ASCC1: variants seen among roughly 807,000 people sequenced by gnomAD.
ASCC1 encodes the protein activating signal cointegrator 1 complex subunit 1, also known as ASC-1 complex subunit P50.
In ASCC1, 35 loss-of-function variants were observed where a neutral mutation model predicts 46.6. That is an observed-to-expected ratio of 0.75 (90% CI 0.57 to 0.99). The LOEUF (loss-of-function observed/expected upper bound fraction) is 0.99, where lower values mean the gene tolerates loss of function less well. Among genes scored for constraint, ASCC1 ranks in the 50% least tolerant of loss-of-function variants. The probability of loss-of-function intolerance (pLI) is 0.00; values close to 1 mark genes in which losing one functional copy is unlikely to be tolerated. For missense variants in ASCC1, 376 were observed against 428.7 expected (o/e 0.88, Z 1.09); for synonymous variants, 143 against 146.6 (o/e 0.98, Z 0.18).
At position 72,151,205 on chromosome 10, in the gene ASCC1, A is replaced by G. The variant is rs552245625; in HGVS notation, c.746+1664T>C. On this transcript the variant is annotated intron_variant, in intron 7 of 9. Coordinates refer to ENST00000672957, the MANE Select transcript of ASCC1 (RefSeq NM_001198800.3). ...AGACTTGGAACCAACCCGAATGTCC[A>G]TCAATGATAGACTGGATTAAGAAAA... Among the ~76,000 whole-genome samples the G allele has an allele frequency of 5.7e-4, 87 of 152,234 alleles. 1 individual carries two copies. Among genetic ancestry groups the G allele is most frequent in the Non-Finnish European group, 1.1e-3 (72 of 68,034 alleles).
chr10:72,198,446 T>C (rs1564745534), intron 4 of ASCC1: 3 of 415,754 alleles, frequency 7.2e-6, no homozygotes, highest in South Asian at 1.7e-5. Context: ...GGCATGCTCA[T>C]GCCTGTAATC....
At chr10:72,198,768 T>C in intron 4 of ASCC1, 1 of 438,708 alleles carries the variant, frequency 2.3e-6, no homozygotes, top group Non-Finnish European at 4.5e-6. Flanking sequence ...CTCTAACCAA[T>C]ACATTTGGTT....
rs547885663 is a variant in ASCC1, at chr10:72,173,728, G to C, written c.490-12054C>G. Among the ~76,000 whole-genome samples the C allele has an allele frequency of 2.4e-3, 360 of 150,552 alleles. 3 individuals carry two copies. The highest frequency in any genetic ancestry group is 8.5e-3 in the African/African-American group (337 of 39,840). ...CAAGGCAACGGCATAAATCTCTAGA[G>C]CCACTGTTTTTCTTTGCTCGGAATA... is the stretch of plus-strand genomic sequence containing the variant. On this transcript the variant is annotated intron_variant, in intron 5 of 9. Transcript: ENST00000672957.
intron 5 of ASCC1, among the ~76,000 whole-genome samples, chr10:72,174,285 A>T (rs933127897): frequency 2.6e-4 from 40 of 152,160 alleles, no homozygotes; most frequent in Non-Finnish European, 4.1e-4. Flanking sequence ...TTAATCCAGC[A>T]CCCTGGGCTC....
intron 5 of ASCC1, among the ~76,000 whole-genome samples, chr10:72,164,066 A>C (rs142247958): frequency 0.032 from 4,892 of 152,034 alleles, 214 homozygotes; most frequent in African/African-American, 0.095. Context: ...GGGTTCAAGC[A>C]ATTCTCCTGC....
intron 4 of ASCC1, among the ~76,000 whole-genome samples, chr10:72,199,685 C>T (rs182997668): frequency 1.4e-4 from 22 of 152,250 alleles, no homozygotes; most frequent in East Asian, 3.9e-4. Context: ...CCGCCCACCC[C>T]GGCATGAGCT....
chr10:72,119,901 G>A (rs2132122645), intron 9 of ASCC1, among the ~76,000 whole-genome samples: 1 of 152,298 alleles, frequency 6.6e-6, no homozygotes, highest in Middle Eastern at 3.4e-3. Context: ...CAGAGAGATG[G>A]AAATTCTAAG....
At chr10:72,192,602 T>C (rs1854708691) in intron 5 of ASCC1, among the ~76,000 whole-genome samples, 1 of 152,192 alleles carries the variant, frequency 6.6e-6, no homozygotes, top group Admixed American at 6.5e-5. Context: ...CCAGTGATTC[T>C]CGTGCCTCAG....
chr10:72,168,587 G>A (rs1057347677), intron 5 of ASCC1, among the ~76,000 whole-genome samples: 4 of 152,198 alleles, frequency 2.6e-5, no homozygotes. Context: ...ACTGAATTGT[G>A]TGCCCCCCAA....
chr10:72,164,118 A>T (rs548629924), intron 5 of ASCC1, among the ~76,000 whole-genome samples: 1 of 151,938 alleles, frequency 6.6e-6, no homozygotes, highest in South Asian at 2.1e-4. Context: ...GCCTGCCACC[A>T]CTCCTGGCTA....
intron 9 of ASCC1, among the ~76,000 whole-genome samples, chr10:72,114,011 C>T (rs1843209792): frequency 6.6e-6 from 1 of 152,156 alleles, no homozygotes; most frequent in Non-Finnish European, 1.5e-5. Flanking sequence ...CTTTATTTTT[C>T]ATTCAATATT....
chr10:72,215,330 C>T (rs866259713), intron 1 of ASCC1, among the ~76,000 whole-genome samples: 1 of 152,154 alleles, frequency 6.6e-6, no homozygotes, highest in Non-Finnish European at 1.5e-5. Context: ...GCCTGAGAGG[C>T]GGAGGTTGCA....
rs1848430185 is a variant in ASCC1 at position 72,152,174 on chromosome 10, T to TTTTTTTTTTTTGTTTTTTGTG, written c.746+674_746+694dup. Among the ~76,000 whole-genome samples the TTTTTTTTTTTTGTTTTTTGTG allele has an allele frequency of 2.6e-5, 3 of 116,890 alleles. No individual in the cohort carries two copies. The South Asian group carries it at 6.9e-4, about 27-fold the overall frequency. The allele number at this position is 116,890 out of a possible 152,430, so 76.7% of individuals were successfully genotyped here. On this transcript the variant is annotated intron_variant, in intron 7 of 9. Transcript: ENST00000672957. ...TGCCTGGCTAATTTTGTTTTTGGGT[T>TTTTTTTTTTTTGTTTTTTGTG]TTTTTTTTTTTGTTTTTTGTGTTTT...
intron 5 of ASCC1, among the ~76,000 whole-genome samples, chr10:72,165,898 G>A (rs1295053025): frequency 6.6e-6 from 1 of 152,184 alleles, no homozygotes; most frequent in Non-Finnish European, 1.5e-5. Flanking sequence ...CTGCTCCCCA[G>A]CAATAACGGT....
rs532677975 is a variant in ASCC1, at chr10:72,163,597, T to C, written c.490-1923A>G. Among the ~76,000 whole-genome samples the C allele has an allele frequency of 2.0e-5, 3 of 151,864 alleles. No homozygotes were observed. The East Asian group carries it at 5.8e-4, about 30-fold the overall frequency. ...TAAAAATACAAAAATTAGCCGGGTG[T>C]GGTGGTGTGTGCCTGTAATCCCAGC... is the stretch of plus-strand genomic sequence containing the variant. On this transcript the variant is annotated intron_variant, in intron 5 of 9. Coordinates refer to ENST00000672957, the MANE Select transcript of ASCC1 (RefSeq NM_001198800.3).
chr10:72,154,648 T>C (rs1848736798), intron 6 of ASCC1, among the ~76,000 whole-genome samples: 2 of 152,080 alleles, frequency 1.3e-5, no homozygotes, highest in Non-Finnish European at 2.9e-5. Context: ...TGTGCCACCA[T>C]GTCTGGCTAA....
At chr10:72,102,348 T>C in intron 9 of ASCC1, 2 of 1,549,480 alleles carry the variant, frequency 1.3e-6, no homozygotes, top group Non-Finnish European at 1.7e-6. Flanking sequence ...TAGCTCTCTG[T>C]GTCCCAAGCC....
At chr10:72,215,800 G>A (rs1859129788) in intron 1 of ASCC1, 1 of 152,424 alleles carries the variant, frequency 6.6e-6, no homozygotes, top group Non-Finnish European at 1.5e-5. Flanking sequence ...GAGGTGGTTT[G>A]GAGAGGAAGA....
intron 2 of ASCC1, chr10:72,212,131 C>T (rs1858229434): frequency 6.4e-6 from 1 of 156,654 alleles, no homozygotes; most frequent in Non-Finnish European, 1.4e-5. Flanking sequence ...CTGCAGAGAG[C>T]CCAAATCACT....
Sources: gnomAD v4.1 joint callset for allele counts (sites outside exome capture counted in the v4.1 genomes callset) on GRCh38, gnomAD v4.1.1 for gene constraint, MANE v1.5 for transcripts, NCBI Gene and HGNC (gene_info 2026-07-23, HGNC 2026-07-21) for gene names.